The following MAN1C1 variants were observed in gnomAD, a reference collection of about 807,000 sequenced individuals.
MAN1C1 encodes mannosyl-oligosaccharide 1,2-alpha-mannosidase IC.
In MAN1C1, 49 loss-of-function variants were observed where a neutral mutation model predicts 71.5. That is an observed-to-expected ratio of 0.69 (90% CI 0.54 to 0.87). MAN1C1 has a LOEUF of 0.87. Among genes scored for constraint, MAN1C1 ranks in the 40% least tolerant of loss-of-function variants. The pLI is 0.00. For missense variants in MAN1C1, 743 were observed against 835.0 expected (o/e 0.89, Z 1.36); for synonymous variants, 352 against 343.7 (o/e 1.02, Z -0.27).
At chr1:25,708,674 C>A (rs899370407) in intron 2 of MAN1C1, among the ~76,000 whole-genome samples, 1 of 152,154 alleles carries the variant, frequency 6.6e-6, no homozygotes, top group Non-Finnish European at 1.5e-5. Context: ...CACCTGAGGT[C>A]AGGAGTTTGA....
chr1:25,705,542 G>A (rs929660570), intron 2 of MAN1C1, among the ~76,000 whole-genome samples: 1 of 152,124 alleles, frequency 6.6e-6, no homozygotes, highest in African/African-American at 2.4e-5. Context: ...TCTTAATTTG[G>A]GTCACTAATC....
chr1:25,762,217 C>T (rs897679433), intron 6 of MAN1C1, among the ~76,000 whole-genome samples: 15 of 149,400 alleles, frequency 1.0e-4, no homozygotes, highest in Non-Finnish European at 2.2e-4. Context: ...GCCTCAATCT[C>T]CTGGACTTAA....
intron 2 of MAN1C1, among the ~76,000 whole-genome samples, chr1:25,745,409 C>T (rs1389011411): frequency 6.6e-6 from 1 of 151,862 alleles, no homozygotes; most frequent in African/African-American, 2.4e-5. Context: ...CAAAAGGCAC[C>T]TGTAATCCCG....
intron 1 of MAN1C1, among the ~76,000 whole-genome samples, chr1:25,627,109 T>G (rs2045306187): frequency 6.6e-6 from 1 of 152,256 alleles, no homozygotes; most frequent in Admixed American, 6.5e-5. Context: ...GTCCAGTTGT[T>G]TATCACTATT....
chr1:25,628,410 C>T (rs1037666195), intron 1 of MAN1C1, among the ~76,000 whole-genome samples: 2 of 152,214 alleles, frequency 1.3e-5, no homozygotes, highest in African/African-American at 4.8e-5. Context: ...CGGGTTCAAG[C>T]AATTCTCCTG....
intron 1 of MAN1C1, among the ~76,000 whole-genome samples, chr1:25,681,654 G>A (rs755665635): frequency 7.9e-5 from 12 of 152,136 alleles, no homozygotes; most frequent in Non-Finnish European, 1.6e-4. Flanking sequence ...GCACAGGTCC[G>A]TACCTAGAAT....
At chr1:25,719,221 C>T (rs951483737) in intron 2 of MAN1C1, among the ~76,000 whole-genome samples, 13 of 148,996 alleles carry the variant, frequency 8.7e-5, no homozygotes, top group African/African-American at 2.2e-4. Context: ...TACAGGTGCA[C>T]GCCCCCATGC....
intron 1 of MAN1C1, among the ~76,000 whole-genome samples, chr1:25,670,917 C>G (rs1400377722): frequency 6.6e-6 from 1 of 152,182 alleles, no homozygotes; most frequent in Non-Finnish European, 1.5e-5. Flanking sequence ...TACTCTGTCA[C>G]CCAGGCTGGA....
At chr1:25,772,696 C>T (rs572270010) in intron 8 of MAN1C1, among the ~76,000 whole-genome samples, 5 of 152,270 alleles carry the variant, frequency 3.3e-5, no homozygotes, top group East Asian at 1.9e-4. Flanking sequence ...GAGCTGGACA[C>T]GCACATCCCT....
rs745888942 is a variant in MAN1C1 at position 25,758,686 on chromosome 1, G to A, written c.1024G>A (p.Gly342Ser). The A allele has an allele frequency of 6.2e-7, 1 of 1,614,082 alleles. No individual in the cohort carries two copies. Among genetic ancestry groups the A allele is most frequent in the South Asian group, 1.1e-5 (1 of 91,090 alleles). ...ATTCTTACACCTCACTGAACTCTCT[G>A]GCAACCAGGTCTTCGCTGAAAAGGC... ...LEFLHLTELS[G>S]NQVFAEKVRN... Residue 342 changes from glycine to serine, a missense_variant, in exon 6 of 12, where the codon GGC becomes AGC. Gly to Ser is a moderately conservative substitution (Grantham distance 56). Coordinates refer to ENST00000374332, the MANE Select transcript of MAN1C1 (RefSeq NM_020379.4).
chr1:25,709,262 C>T (rs1315532776), intron 2 of MAN1C1, among the ~76,000 whole-genome samples: 2 of 152,152 alleles, frequency 1.3e-5, no homozygotes, highest in African/African-American at 2.4e-5. Context: ...ATGCAGAACA[C>T]GGAGGAGGCA....
intron 3 of MAN1C1, among the ~76,000 whole-genome samples, chr1:25,747,512 G>A (rs960969194): frequency 2.0e-5 from 3 of 152,180 alleles, no homozygotes; most frequent in African/African-American, 7.2e-5. Flanking sequence ...GGGAGGGGCC[G>A]CATCCAAGCA....
chr1:25,625,848 G>A (rs1313994078), intron 1 of MAN1C1, among the ~76,000 whole-genome samples: 1 of 152,126 alleles, frequency 6.6e-6, no homozygotes, highest in Non-Finnish European at 1.5e-5. Context: ...AAAATAAGTG[G>A]AATAGTACAG....
In MAN1C1 at chr1:25,778,469, C is replaced by T. The variant is rs1380581598; in HGVS notation, c.1477+145C>T. 18 of 784,854 alleles carry T rather than the reference C, an allele frequency of 2.3e-5. No individual in the cohort carries two copies. Among genetic ancestry groups the T allele is most frequent in the East Asian group, 2.7e-5 (1 of 36,460 alleles). The allele number at this position is 784,854 out of a possible 1,614,324, so 48.6% of individuals were successfully genotyped here. A position where few individuals can be genotyped will look rare whatever the true frequency, so the allele number is the denominator to read the frequency against. ...AGTTAAGTAGAATTTGAGAGAGGTA[C>T]TCTCCAGGCTCCGAGACCATACCCT... is the stretch of plus-strand genomic sequence containing the variant. On this transcript the variant is annotated intron_variant, in intron 9 of 11. Coordinates refer to ENST00000374332, the MANE Select transcript of MAN1C1 (RefSeq NM_020379.4). This position sits in a 1 kb window ranked among gnomAD's most constrained non-coding sequence, Gnocchi z 5.5.
intron 1 of MAN1C1, among the ~76,000 whole-genome samples, chr1:25,680,085 C>A (rs552171314): frequency 6.6e-6 from 1 of 151,092 alleles, no homozygotes; most frequent in African/African-American, 2.4e-5. Flanking sequence ...ATTTTTGAGA[C>A]GGAGTCTTGC....
At chr1:25,665,855 C>CTTTTTTTTTTTTT (rs757054975) in intron 1 of MAN1C1, among the ~76,000 whole-genome samples, 10 of 96,882 alleles carry the variant, frequency 1.0e-4, no homozygotes, top group African/African-American at 4.2e-4. Context: ...TTGGCATTGG[C>CTTTTTTTTTTTTT]TTTTTTTTTT....
chr1:25,659,156 T>C (rs1005917478), intron 1 of MAN1C1: 14 of 152,198 alleles, frequency 9.2e-5, no homozygotes, highest in African/African-American at 2.9e-4. Context: ...GGGTTGGGGA[T>C]TGGTTTGTCC....
Position 25,764,831 on chromosome 1 carries a change from C to CG in MAN1C1, c.1141+865dup, listed in dbSNP as rs1267831532. 6.6e-6 allele frequency among the ~76,000 whole-genome samples: 1 copy of CG among 152,040 alleles called. No individual in the cohort carries two copies. The highest frequency in any genetic ancestry group is 2.4e-5 in the African/African-American group (1 of 41,406). On this transcript the variant is annotated intron_variant, in intron 7 of 11. Coordinates refer to ENST00000374332, the MANE Select transcript of MAN1C1 (RefSeq NM_020379.4). The surrounding 1 kb of genome is among the most constrained non-coding windows in gnomAD (Gnocchi z 4.4). ...ACGGGAGGCCGAGGCAGGCGGATCA[C>CG]GAGGTCAGGAGTTCTAGACCAGCCT... is the stretch of plus-strand genomic sequence containing the variant.
At chr1:25,674,047 A>G (rs1300197043) in intron 1 of MAN1C1, among the ~76,000 whole-genome samples, 1 of 152,184 alleles carries the variant, frequency 6.6e-6, no homozygotes, top group East Asian at 1.9e-4. Flanking sequence ...AATCTGTGAT[A>G]GAACAGAGCG....
Sources: gnomAD v4.1 joint callset for allele counts (sites outside exome capture counted in the v4.1 genomes callset) on GRCh38, gnomAD v4.1.1 for gene constraint, Gnocchi (gnomAD v3.1) non-coding constraint, MANE v1.5 for transcripts, NCBI Gene and HGNC (gene_info 2026-07-23, HGNC 2026-07-21) for gene names.